The following CDH11 variants were observed in gnomAD, a reference collection of about 807,000 sequenced individuals.
CDH11 encodes cadherin-11.
In CDH11, 11 loss-of-function variants were observed where a neutral mutation model predicts 67.8. The ratio of observed to expected loss-of-function variants is 0.16; its 90% CI spans 0.10 to 0.27. The LOEUF (loss-of-function observed/expected upper bound fraction) is 0.27. Among genes scored for constraint, CDH11 ranks in the 10% least tolerant of loss-of-function variants. The pLI is 1.00. For missense variants in CDH11, 847 were observed against 1,031.2 expected (o/e 0.82, Z 2.45); for synonymous variants, 419 against 400.0 (o/e 1.05, Z -0.57).
Position 64,971,619 on chromosome 16 carries a change from T to G in CDH11, c.1602A>C (p.Glu534Asp). ...CTGTGAAATTTGGATTGTGAATGATTTCAGGGGGTAGGCTGAAGATAAATC... is the reference window on the plus strand; with the variant it reads ...CTGTGAAATTTGGATTGTGAATGATGTCAGGGGGTAGGCTGAAGATAAATC... ...GPRFIFSLPPEIIHNPNFTVR... is the reference protein window; with the variant it reads ...GPRFIFSLPPDIIHNPNFTVR... Residue 534 changes from glutamate to aspartate, a missense_variant, in exon 11 of 13, where the codon GAA (glutamate) becomes GAC (aspartate). Transcript: ENST00000268603. The G allele has an allele frequency of 6.2e-7, 1 of 1,613,676 alleles. No homozygotes were observed. The highest frequency in any genetic ancestry group is 8.5e-7 in the Non-Finnish European group (1 of 1,179,790).
chr16:65,033,506 T>C (rs1286400515), intron 2 of CDH11, among the ~76,000 whole-genome samples: 1 of 152,044 alleles, frequency 6.6e-6, no homozygotes, highest in Non-Finnish European at 1.5e-5. Context: ...TTTGGGAGGC[T>C]GAGACGGGTG....
chr16:65,047,333 CTTTTAA>C lies in CDH11; in HGVS notation c.-173+6465_-173+6470del, dbSNP rs547764130. ...TAATTCTCTGTAGACTCTTTTTCAC[CTTTTAA>C]TTTTTTTTGTTTGTTTTTGGTTTTT... is the stretch of plus-strand genomic sequence containing the variant. On this transcript the variant is annotated intron_variant, in intron 2 of 12. Coordinates refer to ENST00000268603, the MANE Select transcript of CDH11 (RefSeq NM_001797.4). Among the ~76,000 whole-genome samples the C allele has an allele frequency of 3.0e-4, 45 of 151,628 alleles. No homozygotes were observed. In the South Asian group the frequency reaches 8.1e-3, roughly 27 times the overall value.
At chr16:65,081,646 T>C (rs967145757) in intron 1 of CDH11, among the ~76,000 whole-genome samples, 1 of 151,888 alleles carries the variant, frequency 6.6e-6, no homozygotes, top group Non-Finnish European at 1.5e-5. Context: ...TCTATCAAAG[T>C]ATAATGTTAT....
intron 1 of CDH11, among the ~76,000 whole-genome samples, chr16:65,079,433 C>T (rs917668489): frequency 6.6e-6 from 1 of 152,016 alleles, no homozygotes; most frequent in Non-Finnish European, 1.5e-5. Flanking sequence ...TAAATGTATG[C>T]TTTTACTTTG....
intron 2 of CDH11, among the ~76,000 whole-genome samples, chr16:65,035,910 T>C (rs1402634576): frequency 1.3e-5 from 2 of 152,102 alleles, no homozygotes; most frequent in Non-Finnish European, 2.9e-5. Flanking sequence ...AGGAAAAATA[T>C]AGTTTCCACG....
intron 1 of CDH11, among the ~76,000 whole-genome samples, chr16:65,097,422 G>A (rs1330794341): frequency 6.6e-6 from 1 of 152,176 alleles, no homozygotes; most frequent in Non-Finnish European, 1.5e-5. Context: ...ATTCTCTAGG[G>A]TAGGGCTTGT....
At chr16:64,993,064 A>T in intron 4 of CDH11, 30 bp from the exon 5 acceptor site, 1 of 1,576,840 alleles carries the variant, frequency 6.3e-7, no homozygotes, top group Non-Finnish European at 8.7e-7. Flanking sequence ...AATTAGCAAC[A>T]TCTCCTCAGA....
At chr16:65,120,101 C>G (rs1386899753) in intron 1 of CDH11, among the ~76,000 whole-genome samples, 1 of 152,168 alleles carries the variant, frequency 6.6e-6, no homozygotes. Context: ...GAAGACCAGG[C>G]TCCCTGCAGC....
intron 2 of CDH11, among the ~76,000 whole-genome samples, chr16:65,051,675 G>A (rs1193069116): frequency 6.6e-6 from 1 of 152,074 alleles, no homozygotes; most frequent in Non-Finnish European, 1.5e-5. Context: ...GGATCACGAG[G>A]GCAGTTTCCT....
In CDH11 at chr16:64,962,956, C is replaced by G. The variant is rs550298980; in HGVS notation, c.1642+8623G>C. On this transcript the variant is annotated intron_variant, in intron 11 of 12. Transcript: ENST00000268603. ...GGCCCAGTCATAGGACTATGGAATG[C>G]TAGCCCTTCTTTAACTTACTATCCA... is the stretch of plus-strand genomic sequence containing the variant. 4.6e-5 allele frequency among the ~76,000 whole-genome samples: 7 copies of G among 152,286 alleles called. No individual in the cohort carries two copies. The East Asian group carries it at 1.4e-3, about 29-fold the overall frequency.
upstream of CDH11, chr16:65,122,498 C>G (rs8058866): frequency 6.3e-6 from 1 of 159,824 alleles, no homozygotes; most frequent in South Asian, 1.7e-4. Context: ...GCTGGGCTCT[C>G]GCCTGGCGGG....
intron 3 of CDH11, 121 bp from the exon 4 acceptor site, chr16:64,998,977 A>C: frequency 6.0e-5 from 49 of 814,294 alleles, no homozygotes; most frequent in Middle Eastern, 2.5e-4. Context: ...AGATGTTCTC[A>C]TCTCCATTTT....
chr16:64,958,011 C>T (rs1178730967), intron 11 of CDH11, among the ~76,000 whole-genome samples: 1 of 152,120 alleles, frequency 6.6e-6, no homozygotes. Flanking sequence ...ATTTTCTTGC[C>T]TTTCTGAATA....
At chr16:65,010,952 C>CATAT (rs200372447) in intron 2 of CDH11, among the ~76,000 whole-genome samples, 100 of 135,866 alleles carry the variant, frequency 7.4e-4, no homozygotes, top group Middle Eastern at 4.0e-3. Flanking sequence ...ATATGTGTGA[C>CATAT]ATATATATAT....
At position 64,946,840 on chromosome 16, in the gene CDH11, C is replaced by CA; in HGVS notation, c.*762dup. 1 of 858,698 alleles carries CA rather than the reference C, an allele frequency of 1.2e-6. No individual in the cohort carries two copies. The highest frequency in any genetic ancestry group is 1.4e-6 in the Non-Finnish European group (1 of 703,526). The allele number at this position is 858,698 out of a possible 1,614,324, so 53.2% of individuals were successfully genotyped here. On this transcript the variant is annotated 3_prime_UTR_variant, in exon 13 of 13. Transcript: ENST00000268603. ...TCTTATATTGAAGCTCATATTAAAG[C>CA]AACAGTACAATGTTCATAAAATATA...
chr16:65,071,342 G>A (rs546787293), intron 1 of CDH11, among the ~76,000 whole-genome samples: 14 of 152,004 alleles, frequency 9.2e-5, no homozygotes, highest in Non-Finnish European at 1.3e-4. Flanking sequence ...ACACACAAAC[G>A]CGTGCATACA....
At chr16:65,007,658 C>T (rs998615404) in intron 2 of CDH11, among the ~76,000 whole-genome samples, 2 of 152,134 alleles carry the variant, frequency 1.3e-5, no homozygotes, top group Admixed American at 6.5e-5. Flanking sequence ...TGATTCTACT[C>T]GCAGAGGTTC....
intron 2 of CDH11, among the ~76,000 whole-genome samples, chr16:65,045,325 A>T (rs906829967): frequency 2.5e-5 from 3 of 118,282 alleles, no homozygotes; most frequent in African/African-American, 6.7e-5. Flanking sequence ...TGTTTCCCTC[A>T]AAAGTATATA....
intron 1 of CDH11, among the ~76,000 whole-genome samples, chr16:65,068,066 G>A (rs1344164390): frequency 8.7e-6 from 1 of 114,886 alleles, no homozygotes; most frequent in East Asian, 2.9e-4. Context: ...GAGGGAGGGG[G>A]CAGGGAGAGA....
Sources: gnomAD v4.1 joint callset for allele counts (sites outside exome capture counted in the v4.1 genomes callset) on GRCh38, gnomAD v4.1.1 for gene constraint, MANE v1.5 for transcripts, NCBI Gene and HGNC (gene_info 2026-07-23, HGNC 2026-07-21) for gene names.